ADAM12: variants seen among roughly 807,000 people sequenced by gnomAD.
The protein encoded by ADAM12 is disintegrin and metalloproteinase domain-containing protein 12.
ADAM12 carries 70 observed loss-of-function variants against 106.4 expected under a neutral mutation model. That is an observed-to-expected ratio of 0.66 (90% CI 0.54 to 0.80). The LOEUF (loss-of-function observed/expected upper bound fraction) is 0.80. Among genes scored for constraint, ADAM12 ranks in the 30% least tolerant of loss-of-function variants. The pLI, the probability that ADAM12 is intolerant of heterozygous loss-of-function variation, is 0.00. For synonymous variants in ADAM12, 420 were observed against 433.5 expected (o/e 0.97, Z 0.39); for missense variants, 1,010 against 1,171.9 (o/e 0.86, Z 2.02).
At chr10:126,112,389 AAG>A (rs980389504) in intron 6 of ADAM12, among the ~76,000 whole-genome samples, 4 of 152,070 alleles carry the variant, frequency 2.6e-5, no homozygotes, top group Non-Finnish European at 4.4e-5. Context: ...AATTTAAAAA[AAG>A]AAACTGGTTG....
At chr10:126,130,430 C>T (rs1375003300) in intron 5 of ADAM12, among the ~76,000 whole-genome samples, 2 of 152,144 alleles carry the variant, frequency 1.3e-5, no homozygotes, top group South Asian at 2.1e-4. Context: ...ACCCACACAG[C>T]GTTCCTCATC....
intron 2 of ADAM12, among the ~76,000 whole-genome samples, chr10:126,304,751 C>G (rs766995127): frequency 1.3e-5 from 2 of 151,734 alleles, no homozygotes; most frequent in Non-Finnish European, 2.9e-5. Context: ...TGTTAATCAC[C>G]TTAACGCACG....
chr10:126,345,087 T>A (rs1855085504), intron 1 of ADAM12, among the ~76,000 whole-genome samples: 1 of 152,222 alleles, frequency 6.6e-6, no homozygotes, highest in Non-Finnish European at 1.5e-5. Context: ...AGAGAGGGCA[T>A]CCCTGTCTTG....
intron 12 of ADAM12, among the ~76,000 whole-genome samples, chr10:126,069,942 C>T (rs1160980082): frequency 6.6e-6 from 1 of 152,090 alleles, no homozygotes; most frequent in African/African-American, 2.4e-5. Context: ...GAGTAAATGA[C>T]TGCTAACGAA....
intron 2 of ADAM12, among the ~76,000 whole-genome samples, chr10:126,321,454 G>A (rs1854091193): frequency 6.6e-6 from 1 of 152,144 alleles, no homozygotes; most frequent in Admixed American, 6.5e-5. Flanking sequence ...CAAGCGAGTG[G>A]GTGGTGAGTG....
rs201679689 is a variant in ADAM12 at position 126,098,419 on chromosome 10, G to A, written c.993C>T (p.Val331=). 2 of 1,613,764 alleles carry A rather than the reference G, an allele frequency of 1.2e-6. No homozygotes were observed. Among genetic ancestry groups the A allele is most frequent in the South Asian group, 2.2e-5 (2 of 91,012 alleles). The change falls in exon 10 of 23, where the codon GTC becomes GTT. Residue 331 remains valine (V), a synonymous_variant. Coordinates refer to ENST00000448723, the MANE Select transcript of ADAM12 (RefSeq NM_001288973.2). ...MCTADQSGGI[V]MDHSDNPLGA... ...GCTCCCAATGCCCTTGGCTTACCAT[G>A]ACAATTCCCCCAGACTGGTCTGCCG...
intron 1 of ADAM12, among the ~76,000 whole-genome samples, chr10:126,342,368 T>C (rs940900774): frequency 2.0e-5 from 3 of 152,228 alleles, no homozygotes; most frequent in African/African-American, 4.8e-5. Flanking sequence ...TCAAACAGGA[T>C]AAACAAAACT....
intron 1 of ADAM12, among the ~76,000 whole-genome samples, chr10:126,332,483 G>A (rs1199934783): frequency 6.6e-6 from 1 of 152,204 alleles, no homozygotes; most frequent in Non-Finnish European, 1.5e-5. Flanking sequence ...CAGCAACTCT[G>A]CTAAAACTGC....
chr10:126,203,779 C>G (rs1355776658), intron 3 of ADAM12, among the ~76,000 whole-genome samples: 1 of 152,162 alleles, frequency 6.6e-6, no homozygotes, highest in Non-Finnish European at 1.5e-5. Flanking sequence ...TAACTTTGGG[C>G]AATGTGAGAG....
chr10:126,068,422 A>G (rs1954917398), intron 12 of ADAM12, among the ~76,000 whole-genome samples: 1 of 152,240 alleles, frequency 6.6e-6, no homozygotes, highest in Non-Finnish European at 1.5e-5. Flanking sequence ...TATAAGCAGC[A>G]GCTCAAATGG....
At chr10:126,221,496 AATT>A (rs1245010435) in intron 3 of ADAM12, among the ~76,000 whole-genome samples, 4 of 152,060 alleles carry the variant, frequency 2.6e-5, no homozygotes, top group African/African-American at 4.8e-5. Flanking sequence ...ATAAACTAAC[AATT>A]ATTATTCTCA....
intron 1 of ADAM12, among the ~76,000 whole-genome samples, chr10:126,374,280 G>C (rs1856204801): frequency 6.6e-6 from 1 of 152,162 alleles, no homozygotes; most frequent in South Asian, 2.1e-4. Flanking sequence ...GACTCCCATG[G>C]AGAGGGTAGC....
At chr10:126,061,655 C>T (rs56331843) in intron 14 of ADAM12, among the ~76,000 whole-genome samples, 14,111 of 152,072 alleles carry the variant, frequency 0.093, 712 homozygotes, top group Middle Eastern at 0.14. Context: ...AAGCAGAAGT[C>T]GGAGAGGGAC....
At chr10:126,034,414 A>G (rs1954022113) in intron 21 of ADAM12, among the ~76,000 whole-genome samples, 1 of 152,202 alleles carries the variant, frequency 6.6e-6, no homozygotes, top group Non-Finnish European at 1.5e-5. Context: ...GTGTAATCAT[A>G]CAAAAAAAAT....
At chr10:126,036,125 A>G in intron 21 of ADAM12, 21 bp downstream of exon 21, 1 of 1,389,742 alleles carries the variant, frequency 7.2e-7, no homozygotes, top group Non-Finnish European at 9.4e-7. Context: ...ACATCCTATC[A>G]TATTAGTACT....
intron 11 of ADAM12, among the ~76,000 whole-genome samples, chr10:126,088,831 G>A (rs1955408297): frequency 6.6e-6 from 1 of 152,136 alleles, no homozygotes; most frequent in South Asian, 2.1e-4. Flanking sequence ...GTCCTGAATG[G>A]AATTAAATGT....
intron 3 of ADAM12, among the ~76,000 whole-genome samples, chr10:126,158,212 C>T (rs1217626057): frequency 8.5e-3 from 2 of 236 alleles, no homozygotes; most frequent in Admixed American, 0.038. Flanking sequence ...CAACACAGGA[C>T]ATATCTGCAG....
intron 3 of ADAM12, among the ~76,000 whole-genome samples, chr10:126,224,406 G>A (rs1469447827): frequency 6.6e-6 from 1 of 152,186 alleles, no homozygotes; most frequent in Non-Finnish European, 1.5e-5. Context: ...CTGGGAGCTT[G>A]CAGCTGCTGG....
At chr10:126,384,217 C>T (rs559427550) in intron 1 of ADAM12, among the ~76,000 whole-genome samples, 1 of 152,278 alleles carries the variant, frequency 6.6e-6, no homozygotes, top group South Asian at 2.1e-4. Flanking sequence ...TTACACCAGC[C>T]ACCAAAATAC....
Sources: gnomAD v4.1 joint callset for allele counts (sites outside exome capture counted in the v4.1 genomes callset) on GRCh38, gnomAD v4.1.1 for gene constraint, MANE v1.5 for transcripts, NCBI Gene and HGNC (gene_info 2026-07-23, HGNC 2026-07-21) for gene names.